The following KCNQ3 variants were observed in gnomAD, a reference collection of about 807,000 sequenced individuals.
The protein encoded by KCNQ3 is potassium voltage-gated channel subfamily Q member 3, also known as potassium voltage-gated channel subfamily KQT member 3.
KCNQ3 carries 30 observed loss-of-function variants against 92.5 expected under a neutral mutation model. That is an observed-to-expected ratio of 0.32 (90% CI 0.24 to 0.44). The LOEUF is 0.44. Among genes scored for constraint, KCNQ3 ranks in the 20% least tolerant of loss-of-function variants. The pLI is 1.00. For synonymous variants in KCNQ3, 450 were observed against 468.8 expected, an observed-to-expected ratio of 0.96 and a Z score of 0.52; for missense variants, 913 against 1,140.3, an observed-to-expected ratio of 0.80 and a Z score of 2.87.
At chr8:132,291,156 T>C (rs550113056) in intron 1 of KCNQ3, among the ~76,000 whole-genome samples, 1 of 152,188 alleles carries the variant, frequency 6.6e-6, no homozygotes, top group African/African-American at 2.4e-5. Flanking sequence ...ATTGAGACAA[T>C]AGTTTTGGGG....
At chr8:132,304,778 T>C (rs1817364190) in intron 1 of KCNQ3, among the ~76,000 whole-genome samples, 1 of 152,102 alleles carries the variant, frequency 6.6e-6, no homozygotes, top group Admixed American at 6.6e-5. Flanking sequence ...GTTTAGTATA[T>C]AAACAATGTT....
intron 1 of KCNQ3, among the ~76,000 whole-genome samples, chr8:132,191,556 T>G (rs1389045322): frequency 1.3e-5 from 2 of 149,208 alleles, no homozygotes; most frequent in African/African-American, 2.5e-5. Context: ...TGGATATATA[T>G]ATAGATAGAT....
chr8:132,468,153 T>C (rs1034558071), intron 1 of KCNQ3, among the ~76,000 whole-genome samples: 5 of 152,236 alleles, frequency 3.3e-5, no homozygotes, highest in Middle Eastern at 3.2e-3. Flanking sequence ...TGGTTTCATT[T>C]TTCAGATTGG....
At chr8:132,441,781 T>C (rs1821544251) in intron 1 of KCNQ3, among the ~76,000 whole-genome samples, 1 of 152,182 alleles carries the variant, frequency 6.6e-6, no homozygotes, top group Admixed American at 6.5e-5. Flanking sequence ...CTCATCAGCA[T>C]GTCATTTTTT....
intron 1 of KCNQ3, among the ~76,000 whole-genome samples, chr8:132,411,014 T>C (rs1213484136): frequency 6.6e-6 from 1 of 152,194 alleles, no homozygotes; most frequent in African/African-American, 2.4e-5. Flanking sequence ...CCCCTTTCTA[T>C]AAAGCTGCAG....
At chr8:132,191,178 A>T (rs1827143603) in intron 1 of KCNQ3, among the ~76,000 whole-genome samples, 1 of 152,164 alleles carries the variant, frequency 6.6e-6, no homozygotes. Flanking sequence ...ACATGGTCTC[A>T]TTCTGTCACC....
intron 1 of KCNQ3, among the ~76,000 whole-genome samples, chr8:132,388,959 A>G (rs191230145): frequency 6.6e-6 from 1 of 152,364 alleles, no homozygotes; most frequent in Non-Finnish European, 1.5e-5. Context: ...TTCTTAAAAA[A>G]CATTCTGGAA....
intron 9 of KCNQ3, among the ~76,000 whole-genome samples, chr8:132,143,603 A>T (rs1334607683): frequency 6.6e-6 from 1 of 152,230 alleles, no homozygotes; most frequent in Admixed American, 6.5e-5. Context: ...TCATGGGCAG[A>T]ATGATGACCA....
chr8:132,135,555 C>T (rs1322105053), intron 12 of KCNQ3, among the ~76,000 whole-genome samples: 3 of 152,134 alleles, frequency 2.0e-5, no homozygotes, highest in Non-Finnish European at 4.4e-5. Flanking sequence ...TGTTCACCCT[C>T]CAGCCACAAA....
intron 1 of KCNQ3, among the ~76,000 whole-genome samples, chr8:132,367,253 A>AC (rs1040084571): frequency 6.6e-6 from 1 of 151,576 alleles, no homozygotes; most frequent in Non-Finnish European, 1.5e-5. Flanking sequence ...CCACATCAGT[A>AC]TTTTTTTTTC....
intron 1 of KCNQ3, among the ~76,000 whole-genome samples, chr8:132,385,738 T>G (rs1819873135): frequency 6.6e-6 from 1 of 151,904 alleles, no homozygotes; most frequent in African/African-American, 2.4e-5. Flanking sequence ...GACAAATTTG[T>G]GTATGGGTAC....
chr8:132,400,647 T>A (rs1201484367), intron 1 of KCNQ3, among the ~76,000 whole-genome samples: 2 of 152,198 alleles, frequency 1.3e-5, no homozygotes, highest in Non-Finnish European at 1.5e-5. Flanking sequence ...TCTGAAAGGA[T>A]CTTCTCTCCT....
chr8:132,280,571 C>T (rs1816482230), intron 1 of KCNQ3, among the ~76,000 whole-genome samples: 1 of 152,100 alleles, frequency 6.6e-6, no homozygotes, highest in South Asian at 2.1e-4. Flanking sequence ...CCCATCAGGC[C>T]CCACCTCCAA....
chr8:132,186,007 A>G (rs1274123205), intron 2 of KCNQ3, 84 bp downstream of exon 2: 10 of 963,870 alleles, frequency 1.0e-5, no homozygotes, highest in Non-Finnish European at 1.7e-5. Flanking sequence ...GCAACCAGTC[A>G]GGGAGGAGTG....
chr8:132,321,887 C>T (rs887125361), intron 1 of KCNQ3, among the ~76,000 whole-genome samples: 3 of 152,182 alleles, frequency 2.0e-5, no homozygotes, highest in Admixed American at 6.5e-5. Context: ...ACTGGCCGGG[C>T]CCTGGGCAGA....
chr8:132,168,374 AT>A (rs1826201881), intron 8 of KCNQ3, among the ~76,000 whole-genome samples: 1 of 152,186 alleles, frequency 6.6e-6, no homozygotes, highest in African/African-American at 2.4e-5. Flanking sequence ...TCAAAGTTAG[AT>A]TCCTCTGCAA....
At chr8:132,340,297 A>G (rs1381353813) in intron 1 of KCNQ3, among the ~76,000 whole-genome samples, 2 of 152,208 alleles carry the variant, frequency 1.3e-5, no homozygotes, top group African/African-American at 4.8e-5. Flanking sequence ...TTCTACTATA[A>G]GGACGCATGC....
At chr8:132,140,034 G>T (rs377583720) in intron 11 of KCNQ3, 42 bp downstream of exon 11, 6 of 1,330,776 alleles carry the variant, frequency 4.5e-6, no homozygotes, top group Non-Finnish European at 4.2e-6. Context: ...GAGCTGGAGC[G>T]GGGGAGGCAC....
At chr8:132,463,613 T>C (rs1822109055) in intron 1 of KCNQ3, among the ~76,000 whole-genome samples, 1 of 152,220 alleles carries the variant, frequency 6.6e-6, no homozygotes, top group Non-Finnish European at 1.5e-5. Flanking sequence ...CAAGTGTTTT[T>C]CATGGCATAC....
Sources: allele counts gnomAD v4.1 joint callset (sites outside exome capture counted in the v4.1 genomes callset), GRCh38; gene constraint gnomAD v4.1.1; transcripts MANE v1.5; gene names NCBI Gene and HGNC (gene_info 2026-07-23, HGNC 2026-07-21).